Variants in TTC7B observed in about 807,000 individuals in gnomAD.
TTC7B encodes the protein tetratricopeptide repeat domain 7B.
TTC7B carries 28 observed loss-of-function variants against 106.8 expected under a neutral mutation model. The observed-to-expected ratio is 0.26, with a 90% CI of 0.19 to 0.36. The LOEUF is 0.36. TTC7B is among the 10% of genes least tolerant of loss of function. The pLI is 1.00. For missense variants in TTC7B, 862 were observed against 1,076.4 expected (o/e 0.80, Z 2.79); for synonymous variants, 405 against 430.6 (o/e 0.94, Z 0.74).
At chr14:90,698,168 C>G (rs1290535258) in intron 5 of TTC7B, 2 of 152,172 alleles carry the variant, frequency 1.3e-5, no homozygotes, top group African/African-American at 4.8e-5. Flanking sequence ...ATCACATAAT[C>G]ATAATTTTAT....
chr14:90,619,944 G>GTGA (rs1893240610), intron 15 of TTC7B, among the ~76,000 whole-genome samples: 1 of 152,174 alleles, frequency 6.6e-6, no homozygotes, highest in Admixed American at 6.5e-5. Flanking sequence ...CCTGCATGAT[G>GTGA]TGATGTCCTC....
At chr14:90,699,033 C>T (rs1000688396) in intron 5 of TTC7B, 21 of 359,290 alleles carry the variant, frequency 5.8e-5, no homozygotes, top group Non-Finnish European at 8.1e-5. Flanking sequence ...TCTGCTGATT[C>T]GCCAGCATTC....
chr14:90,668,781 A>T (rs998654721), intron 9 of TTC7B, among the ~76,000 whole-genome samples: 7 of 151,144 alleles, frequency 4.6e-5, no homozygotes, highest in African/African-American at 1.7e-4. Context: ...CGGCAATGTC[A>T]TCCAAAGTGA....
chr14:90,635,366 T>C (rs1275087551), intron 15 of TTC7B, among the ~76,000 whole-genome samples: 1 of 152,096 alleles, frequency 6.6e-6, no homozygotes, highest in Non-Finnish European at 1.5e-5. Flanking sequence ...ATAGAAAGCA[T>C]AAATAGCATG....
intron 6 of TTC7B, among the ~76,000 whole-genome samples, chr14:90,694,717 A>AATATATTTTATTTTATTATAAT (rs2139944933): frequency 7.1e-6 from 1 of 141,444 alleles, no homozygotes; most frequent in South Asian, 2.2e-4. Flanking sequence ...TTTATTATAA[A>AATATATTTTATTTTATTATAAT]ATAGGTATAT....
At position 90,573,612 on chromosome 14, in the gene TTC7B, G is replaced by A. The variant is rs545138516; in HGVS notation, c.2310+4494C>T. The stretch of plus-strand genomic sequence containing the variant: ...CGGCTCACGGTCCCTCTCAGCTCAC[G>A]GTCCCTCTCTGGCTCATGGTCCCTT... On this transcript the variant is annotated intron_variant, in intron 19 of 19. Transcript: ENST00000328459. Among the ~76,000 whole-genome samples the A allele has an allele frequency of 7.5e-5, 11 of 147,056 alleles. No individual in the cohort carries two copies. The East Asian group carries it at 2.2e-3, about 30-fold the overall frequency.
chr14:90,798,791 C>A (rs1472244648), intron 1 of TTC7B, among the ~76,000 whole-genome samples: 1 of 150,188 alleles, frequency 6.7e-6, no homozygotes, highest in East Asian at 1.9e-4. Flanking sequence ...CCTAAAGGAG[C>A]CCCTGGAAAG....
At chr14:90,699,411 A>G in intron 5 of TTC7B, 1 of 349,882 alleles carries the variant, frequency 2.9e-6, no homozygotes, top group South Asian at 2.2e-5. Context: ...TCTTGGGAGT[A>G]GGGTGGGAAA....
At chr14:90,622,941 G>A (rs73326833) in intron 15 of TTC7B, among the ~76,000 whole-genome samples, 18,782 of 151,842 alleles carry the variant, frequency 0.12, 1,217 homozygotes, top group Middle Eastern at 0.19. Context: ...CATCACCTAC[G>A]CCCCCACTCG....
chr14:90,744,964 TC>T (rs1889906954), intron 3 of TTC7B, 42 bp from the exon 4 acceptor site: 3 of 1,603,318 alleles, frequency 1.9e-6, no homozygotes, highest in African/African-American at 2.7e-5. Flanking sequence ...GAATTTTTTT[TC>T]ATAAGGCTTC....
At chr14:90,723,961 A>G in intron 5 of TTC7B, among the ~76,000 whole-genome samples, 1 of 152,196 alleles carries the variant, frequency 6.6e-6, no homozygotes, top group Middle Eastern at 3.2e-3. Context: ...TGAAAGCTTT[A>G]TAGGAACATC....
intron 6 of TTC7B, among the ~76,000 whole-genome samples, chr14:90,695,055 TTTATTTTATTATAAAATATA>T (rs1163346604): frequency 0.024 from 2,937 of 122,352 alleles, 10 homozygotes; most frequent in Admixed American, 0.033. Flanking sequence ...TAAAATATAT[TTTATTTTATTATAAAATATA>T]TTTTATTTTA....
chr14:90,789,693 A>C, intron 1 of TTC7B, among the ~76,000 whole-genome samples: 1 of 152,162 alleles, frequency 6.6e-6, no homozygotes, highest in Admixed American at 6.5e-5. Flanking sequence ...TCAGGAGATC[A>C]AGACCATCCT....
At chr14:90,712,484 A>C (rs1012039634) in intron 5 of TTC7B, among the ~76,000 whole-genome samples, 2 of 152,230 alleles carry the variant, frequency 1.3e-5, no homozygotes, top group Non-Finnish European at 2.9e-5. Flanking sequence ...AAAAGTTTTC[A>C]ATAACAAAAA....
chr14:90,605,168 T>A (rs1228814049), intron 17 of TTC7B, among the ~76,000 whole-genome samples: 1 of 152,244 alleles, frequency 6.6e-6, no homozygotes, highest in Non-Finnish European at 1.5e-5. Flanking sequence ...CTGAAAGGGC[T>A]GTGGCCCTGA....
intron 12 of TTC7B, among the ~76,000 whole-genome samples, chr14:90,653,832 G>C (rs1254467379): frequency 6.6e-6 from 1 of 152,110 alleles, no homozygotes; most frequent in Non-Finnish European, 1.5e-5. Context: ...AGCCCCATAG[G>C]GTCAAGCAAC....
intron 6 of TTC7B, among the ~76,000 whole-genome samples, chr14:90,691,469 T>C (rs1465098523): frequency 1.3e-5 from 2 of 152,166 alleles, no homozygotes; most frequent in Non-Finnish European, 2.9e-5. Flanking sequence ...AAAAAAACAA[T>C]AAATATGAAA....
intron 5 of TTC7B, among the ~76,000 whole-genome samples, chr14:90,727,600 G>T (rs895792575): frequency 6.6e-6 from 1 of 152,210 alleles, no homozygotes; most frequent in African/African-American, 2.4e-5. Context: ...CACCAGTTCC[G>T]CAGTGACTTC....
intron 19 of TTC7B, among the ~76,000 whole-genome samples, chr14:90,550,780 C>T (rs1890043208): frequency 6.6e-6 from 1 of 152,090 alleles, no homozygotes; most frequent in African/African-American, 2.4e-5. Flanking sequence ...GGGCCTGGTA[C>T]AGAAGAGGCT....
Sources: gnomAD v4.1 joint callset for allele counts (sites outside exome capture counted in the v4.1 genomes callset) on GRCh38, gnomAD v4.1.1 for gene constraint, MANE v1.5 for transcripts, NCBI Gene and HGNC (gene_info 2026-07-23, HGNC 2026-07-21) for gene names.